AUTS2: variants seen among roughly 807,000 people sequenced by gnomAD.
AUTS2 encodes the protein activator of transcription and developmental regulator AUTS2, also known as autism susceptibility gene 2 protein.
A neutral mutation model predicts 112.4 loss-of-function variants in AUTS2; 17 were observed. The observed-to-expected ratio is 0.15, with a 90% CI of 0.10 to 0.23. The LOEUF (loss-of-function observed/expected upper bound fraction) is 0.23. Among genes scored for constraint, AUTS2 ranks in the 10% least tolerant of loss-of-function variants. The probability of loss-of-function intolerance (pLI) is 1.00; values close to 1 mark genes in which losing one functional copy is unlikely to be tolerated. For synonymous variants in AUTS2, 751 were observed against 702.7 expected, an observed-to-expected ratio of 1.07 and a Z score of -1.09; for missense variants, 1,510 against 1,701.6, an observed-to-expected ratio of 0.89 and a Z score of 1.98.
chr7:70,016,607 C>T (rs1800038817), intron 2 of AUTS2, among the ~76,000 whole-genome samples: 1 of 151,808 alleles, frequency 6.6e-6, no homozygotes, highest in African/African-American at 2.4e-5. Context: ...CTCCTTTCTG[C>T]TCATACATTG....
intron 1 of AUTS2, among the ~76,000 whole-genome samples, chr7:69,604,194 C>A (rs927793124): frequency 9.2e-5 from 14 of 152,120 alleles, no homozygotes; most frequent in African/African-American, 3.4e-4. Context: ...TCAGGGCTTC[C>A]CCCACACATC....
At chr7:69,749,560 T>G (rs1020338500) in intron 1 of AUTS2, among the ~76,000 whole-genome samples, 5 of 152,178 alleles carry the variant, frequency 3.3e-5, no homozygotes, top group Non-Finnish European at 7.3e-5. Flanking sequence ...ATAGCCAATT[T>G]AGCTTTTTCC....
At chr7:70,191,224 G>C (rs947409179) in intron 4 of AUTS2, among the ~76,000 whole-genome samples, 1 of 140,158 alleles carries the variant, frequency 7.1e-6, no homozygotes. Context: ...CTGGAGTGCA[G>C]TGGCGCAATC....
intron 5 of AUTS2, among the ~76,000 whole-genome samples, chr7:70,483,436 C>G (rs1309779509): frequency 6.6e-6 from 1 of 152,176 alleles, no homozygotes; most frequent in Non-Finnish European, 1.5e-5. Flanking sequence ...ACTGCAAATG[C>G]CCATGACTTA....
At chr7:70,654,392 T>A (rs1157660678) in intron 5 of AUTS2, among the ~76,000 whole-genome samples, 1 of 152,192 alleles carries the variant, frequency 6.6e-6, no homozygotes, top group African/African-American at 2.4e-5. Flanking sequence ...ATCACTATGT[T>A]CCAATAAAAC....
chr7:69,682,339 G>A (rs1481434338), intron 1 of AUTS2, among the ~76,000 whole-genome samples: 1 of 152,176 alleles, frequency 6.6e-6, no homozygotes, highest in Non-Finnish European at 1.5e-5. Context: ...AGTACTTCCT[G>A]GCCTGGCATG....
chr7:70,500,511 A>G (rs1798728193), intron 5 of AUTS2, among the ~76,000 whole-genome samples: 2 of 152,178 alleles, frequency 1.3e-5, no homozygotes, highest in Admixed American at 1.3e-4. Context: ...GACAAATGAA[A>G]TCTCACATGT....
At chr7:70,207,164 G>T (rs1024994398) in intron 4 of AUTS2, among the ~76,000 whole-genome samples, 1 of 152,094 alleles carries the variant, frequency 6.6e-6, no homozygotes, top group East Asian at 1.9e-4. Flanking sequence ...TCTTACTTAG[G>T]TGTGTTGAAG....
intron 6 of AUTS2, among the ~76,000 whole-genome samples, chr7:70,742,719 G>A (rs758478158): frequency 2.0e-5 from 3 of 152,084 alleles, no homozygotes; most frequent in East Asian, 1.9e-4. Context: ...CCGAGATCGC[G>A]CCCTTGCACT....
chr7:70,369,448 T>C (rs1792737878), intron 4 of AUTS2, among the ~76,000 whole-genome samples: 1 of 152,020 alleles, frequency 6.6e-6, no homozygotes, highest in Non-Finnish European at 1.5e-5. Context: ...ATGGAACAGA[T>C]GAGATTAAAC....
At position 69,925,988 on chromosome 7, in the gene AUTS2, A is replaced by G. The variant is rs141392568; in HGVS notation, c.522+26490A>G. 4.2e-4 allele frequency among the ~76,000 whole-genome samples: 64 copies of G among 152,310 alleles called. 1 individual carries two copies. The highest frequency in any genetic ancestry group is 3.3e-3 in the Admixed American group (50 of 15,310). On this transcript the variant is annotated intron_variant, in intron 2 of 18. Coordinates refer to ENST00000342771, the MANE Select transcript of AUTS2 (RefSeq NM_015570.4). Reference sequence around the variant, plus strand: ...CAACATAGTGAGACCTTGTCTCTCTAAAAACAAAAAACAAAACACACCTAG... The same window carrying G: ...CAACATAGTGAGACCTTGTCTCTCTGAAAACAAAAAACAAAACACACCTAG...
chr7:70,501,853 A>G (rs1018360636), intron 5 of AUTS2, among the ~76,000 whole-genome samples: 3 of 152,044 alleles, frequency 2.0e-5, no homozygotes, highest in Non-Finnish European at 4.4e-5. Flanking sequence ...CCCCTACCCC[A>G]GCAACCCACA....
At chr7:69,657,870 A>G (rs1795616158) in intron 1 of AUTS2, among the ~76,000 whole-genome samples, 1 of 152,208 alleles carries the variant, frequency 6.6e-6, no homozygotes, top group Non-Finnish European at 1.5e-5. Flanking sequence ...TTTTGTCTTA[A>G]AAAGCAGGGA....
chr7:70,461,131 G>C (rs139178546), intron 5 of AUTS2, among the ~76,000 whole-genome samples: 46 of 152,246 alleles, frequency 3.0e-4, no homozygotes, highest in African/African-American at 1.0e-3. Flanking sequence ...TTCTTTAGGG[G>C]AAGATGACGG....
At chr7:70,346,734 G>A (rs1033678360) in intron 4 of AUTS2, among the ~76,000 whole-genome samples, 5 of 151,968 alleles carry the variant, frequency 3.3e-5, no homozygotes, top group East Asian at 3.9e-4. Context: ...TATAATCACC[G>A]AACTTTGTTA....
intron 4 of AUTS2, among the ~76,000 whole-genome samples, chr7:70,422,869 T>A (rs1795282977): frequency 6.6e-6 from 1 of 152,146 alleles, no homozygotes; most frequent in Non-Finnish European, 1.5e-5. Flanking sequence ...CCAACCACTG[T>A]CTCTCTCTTG....
chr7:69,909,141 T>A (rs1795258837), intron 2 of AUTS2, among the ~76,000 whole-genome samples: 1 of 152,254 alleles, frequency 6.6e-6, no homozygotes, highest in Non-Finnish European at 1.5e-5. Context: ...TTGCGGAAAT[T>A]AATTTTATCA....
rs549986826 is a variant in AUTS2, at chr7:70,784,674, A to G, written c.2147-268A>G. The G allele has an allele frequency of 4.6e-5, 23 of 494,742 alleles. No individual in the cohort carries two copies. In the East Asian group the frequency reaches 5.4e-4, roughly 12 times the overall value. The allele number at this position is 494,742 out of a possible 1,614,324, so 30.6% of individuals were successfully genotyped here. A position where few individuals can be genotyped will look rare whatever the true frequency, so the allele number is the denominator to read the frequency against. On this transcript the variant is annotated intron_variant, in intron 15 of 18. Coordinates refer to ENST00000342771, the MANE Select transcript of AUTS2 (RefSeq NM_015570.4). Reference sequence around the variant, plus strand: ...TGTGTGTCATCGGCTTAAAAAAGAAATACCTGTTTTTGGTGGTGGCCAGCC... The same window carrying G: ...TGTGTGTCATCGGCTTAAAAAAGAAGTACCTGTTTTTGGTGGTGGCCAGCC...
chr7:70,686,828 C>T (rs1192886193), intron 5 of AUTS2, among the ~76,000 whole-genome samples: 1 of 152,184 alleles, frequency 6.6e-6, no homozygotes, highest in African/African-American at 2.4e-5. Flanking sequence ...AGCCACTGCG[C>T]CAGACCCGAA....
Sources: gnomAD v4.1 joint callset for allele counts (sites outside exome capture counted in the v4.1 genomes callset) on GRCh38, gnomAD v4.1.1 for gene constraint, MANE v1.5 for transcripts, NCBI Gene and HGNC (gene_info 2026-07-23, HGNC 2026-07-21) for gene names.